NOS1AP: variants seen among roughly 807,000 people sequenced by gnomAD.
NOS1AP encodes nitric oxide synthase 1 adaptor protein.
A neutral mutation model predicts 56.2 loss-of-function variants in NOS1AP; 21 were observed. That is an observed-to-expected ratio of 0.37 (90% confidence interval 0.26 to 0.54). The LOEUF (loss-of-function observed/expected upper bound fraction) is 0.54, where lower values mean the gene tolerates loss of function less well. Ranked by LOEUF, NOS1AP falls within the 20% of genes least tolerant of loss-of-function variation. The probability of loss-of-function intolerance (pLI) is 0.84; values close to 1 mark genes in which losing one functional copy is unlikely to be tolerated. For missense variants in NOS1AP, 522 were observed against 657.8 expected (o/e 0.79, Z 2.26); for synonymous variants, 270 against 274.6 (o/e 0.98, Z 0.17).
chr1:162,293,850 T>C (rs1571197136), intron 3 of NOS1AP, among the ~76,000 whole-genome samples: 1 of 152,356 alleles, frequency 6.6e-6, no homozygotes, highest in East Asian at 1.9e-4. Flanking sequence ...AGCCTTAGTG[T>C]TCACCTTTAA....
intron 2 of NOS1AP, among the ~76,000 whole-genome samples, chr1:162,256,079 G>A (rs550400378): frequency 6.6e-6 from 1 of 152,108 alleles, no homozygotes; most frequent in African/African-American, 2.4e-5. Flanking sequence ...ACAAGACGGA[G>A]GTTGCATTGA....
At chr1:162,321,605 A>G (rs1198324000) in intron 4 of NOS1AP, among the ~76,000 whole-genome samples, 2 of 151,940 alleles carry the variant, frequency 1.3e-5, no homozygotes, top group Admixed American at 6.6e-5. Context: ...GCATTAGGAG[A>G]TATACCTAAT....
Position 162,357,047 on chromosome 1 carries a change from G to C in NOS1AP, c.850G>C (p.Glu284Gln), listed in dbSNP as rs753603051. Residue 284 changes from glutamate (E) to glutamine (Q), a missense_variant, in exon 8 of 10, where the codon GAG becomes CAG. Transcript: ENST00000361897. Reference sequence around the variant, plus strand: ...CTCGAAGCCTCCAGGCCTGGGCACAGAGACACCGCTGTCCACTCACCACCA... The same window carrying C: ...CTCGAAGCCTCCAGGCCTGGGCACACAGACACCGCTGTCCACTCACCACCA... Reference protein sequence around the residue: ...SSSKPPGLGTETPLSTHHQMQ... With the variant: ...SSSKPPGLGTQTPLSTHHQMQ... The C allele has an allele frequency of 1.9e-6, 3 of 1,613,646 alleles. No homozygotes were observed. The highest frequency in any genetic ancestry group is 1.7e-6 in the Non-Finnish European group (2 of 1,180,030).
intron 1 of NOS1AP, among the ~76,000 whole-genome samples, chr1:162,125,705 T>C (rs1391749981): frequency 6.6e-6 from 1 of 152,194 alleles, no homozygotes; most frequent in Non-Finnish European, 1.5e-5. Flanking sequence ...TCCAATAATG[T>C]GATTCCTCCA....
chr1:162,365,218 CCACTCCTTTTGG>C, intron 8 of NOS1AP, 174 bp from the exon 9 acceptor site: 5 of 1,458,238 alleles, frequency 3.4e-6, no homozygotes, highest in Non-Finnish European at 4.5e-6. Context: ...GCCAGTGAAC[CCACTCCTTTTGG>C]CTCCTCCTCT....
At chr1:162,221,853 C>T (rs1478357891) in intron 2 of NOS1AP, among the ~76,000 whole-genome samples, 1 of 152,096 alleles carries the variant, frequency 6.6e-6, no homozygotes, top group African/African-American at 2.4e-5. Context: ...TTTCTTTTTA[C>T]TCAATGATAA....
At chr1:162,163,159 A>T (rs1650309690) in intron 2 of NOS1AP, among the ~76,000 whole-genome samples, 1 of 152,210 alleles carries the variant, frequency 6.6e-6, no homozygotes, top group Non-Finnish European at 1.5e-5. Flanking sequence ...TTGCTGAGTA[A>T]CATTCCATAG....
At chr1:162,225,322 C>T (rs1270899244) in intron 2 of NOS1AP, among the ~76,000 whole-genome samples, 2 of 152,146 alleles carry the variant, frequency 1.3e-5, no homozygotes, top group East Asian at 3.9e-4. Context: ...TGCCTCTTCC[C>T]TCACTCCCTT....
intron 2 of NOS1AP, 57 bp downstream of exon 2, chr1:162,154,533 C>A: frequency 6.4e-7 from 1 of 1,570,588 alleles, no homozygotes; most frequent in Non-Finnish European, 8.8e-7. Context: ...TAGCTGCTGG[C>A]CCTTCTAGGT....
At chr1:162,149,311 T>G (rs1425736544) in intron 1 of NOS1AP, among the ~76,000 whole-genome samples, 1 of 151,502 alleles carries the variant, frequency 6.6e-6, no homozygotes, top group Non-Finnish European at 1.5e-5. Flanking sequence ...CTGAACTTCA[T>G]CTACCTGCTG....
chr1:162,202,121 T>C (rs925584304), intron 2 of NOS1AP, among the ~76,000 whole-genome samples: 10 of 152,122 alleles, frequency 6.6e-5, no homozygotes, highest in South Asian at 2.1e-4. Context: ...AAACCTAACA[T>C]TGGGAGTCGA....
At chr1:162,355,757 G>A (rs986343502) in intron 7 of NOS1AP, among the ~76,000 whole-genome samples, 4 of 152,148 alleles carry the variant, frequency 2.6e-5, no homozygotes, top group South Asian at 2.1e-4. Context: ...CTGCAGTAGC[G>A]GTGGTATACC....
intron 2 of NOS1AP, among the ~76,000 whole-genome samples, chr1:162,251,695 C>G (rs1653857570): frequency 6.8e-6 from 1 of 148,062 alleles, no homozygotes; most frequent in African/African-American, 2.5e-5. Context: ...TATACACATA[C>G]ATATTTGAGA....
At chr1:162,332,155 T>C (rs1656790397) in intron 4 of NOS1AP, among the ~76,000 whole-genome samples, 1 of 152,096 alleles carries the variant, frequency 6.6e-6, no homozygotes, top group African/African-American at 2.4e-5. Context: ...TTTAATACCT[T>C]CTGAACACTG....
intron 6 of NOS1AP, among the ~76,000 whole-genome samples, chr1:162,352,423 T>G (rs987157994): frequency 6.6e-6 from 1 of 151,938 alleles, no homozygotes; most frequent in Non-Finnish European, 1.5e-5. Context: ...CCCTGGTATT[T>G]TTTTTTTTTT....
chr1:162,313,340 C>T (rs573114860), intron 4 of NOS1AP, among the ~76,000 whole-genome samples: 12 of 152,180 alleles, frequency 7.9e-5, no homozygotes, highest in East Asian at 1.9e-4. Context: ...GGAAAGTGTC[C>T]GTTTTCTTTC....
Position 162,081,774 on chromosome 1 carries a change from A to ATATTTTTTTT in NOS1AP, c.105+11493_105+11494insATTTTTTTTT. ...TCTATAGATATATATATATATATAT[A>ATATTTTTTTT]TTTTTTTTTTGTAGAGATGGGTTTT... On this transcript the variant is annotated intron_variant, in intron 1 of 9. Transcript: ENST00000361897. Among the ~76,000 whole-genome samples the ATATTTTTTTT allele has an allele frequency of 2.1e-3, 91 of 44,052 alleles. 1 individual carries two copies. Among genetic ancestry groups the ATATTTTTTTT allele is most frequent in the African/African-American group, 6.9e-3 (90 of 13,078 alleles). 28.9% of individuals were successfully genotyped at this position (44,052 alleles called of 152,430 possible).
chr1:162,348,895 C>T (rs892133788), intron 6 of NOS1AP, among the ~76,000 whole-genome samples: 1 of 152,182 alleles, frequency 6.6e-6, no homozygotes, highest in Non-Finnish European at 1.5e-5. Context: ...CTATTAAGAC[C>T]TTCAACTTTG....
At chr1:162,221,519 C>T (rs569992860) in intron 2 of NOS1AP, among the ~76,000 whole-genome samples, 11 of 112,404 alleles carry the variant, frequency 9.8e-5, no homozygotes, top group African/African-American at 2.1e-4. Flanking sequence ...AACACACACA[C>T]GCACACACAC....
Sources: allele counts gnomAD v4.1 joint callset (sites outside exome capture counted in the v4.1 genomes callset), GRCh38; gene constraint gnomAD v4.1.1; transcripts MANE v1.5; gene names NCBI Gene and HGNC (gene_info 2026-07-23, HGNC 2026-07-21).